RALGAPA2: variants seen among roughly 807,000 people sequenced by gnomAD.
RALGAPA2 encodes ral GTPase-activating protein subunit alpha-2.
Under a neutral mutation model 230.4 loss-of-function variants are expected in RALGAPA2, and 139 were observed. The observed-to-expected ratio is 0.60, with a 90% CI of 0.53 to 0.69. The LOEUF is 0.69. Ranked by LOEUF, RALGAPA2 falls within the 30% of genes least tolerant of loss-of-function variation. The pLI, the probability that RALGAPA2 is intolerant of heterozygous loss-of-function variation, is 0.00. For synonymous variants in RALGAPA2, 847 were observed against 837.8 expected (o/e 1.01, Z -0.19); for missense variants, 2,163 against 2,276.0 (o/e 0.95, Z 1.01).
chr20:20,458,782 A>ATATAGGTCTATATATATATAGGTCTAT (rs1556043904), intron 37 of RALGAPA2, among the ~76,000 whole-genome samples: 20 of 145,970 alleles, frequency 1.4e-4, no homozygotes, highest in African/African-American at 5.0e-4. Context: ...ACCTATATAT[A>ATATAGGTCTATATATATATAGGTCTAT]TATAGACCTA....
chr20:20,617,850 T>C (rs1469769347), intron 12 of RALGAPA2, among the ~76,000 whole-genome samples: 1 of 152,154 alleles, frequency 6.6e-6, no homozygotes, highest in Non-Finnish European at 1.5e-5. Flanking sequence ...ACTAAGGTAT[T>C]AGATATAAGA....
intron 10 of RALGAPA2, among the ~76,000 whole-genome samples, chr20:20,621,449 G>A (rs1022238749): frequency 1.3e-5 from 2 of 151,442 alleles, no homozygotes; most frequent in African/African-American, 4.9e-5. Flanking sequence ...TTACAAATCA[G>A]GACTTTGTTT....
At chr20:20,402,249 T>C (rs2059858640) in intron 38 of RALGAPA2, among the ~76,000 whole-genome samples, 1 of 152,200 alleles carries the variant, frequency 6.6e-6, no homozygotes, top group Admixed American at 6.5e-5. Flanking sequence ...AAGTGTGCAG[T>C]AAACTGCAAA....
At chr20:20,659,733 A>C in intron 3 of RALGAPA2, 1 of 764,110 alleles carries the variant, frequency 1.3e-6, no homozygotes, top group Non-Finnish European at 2.1e-6. Flanking sequence ...ACACCTTGAA[A>C]GATGATGACA....
chr20:20,496,140 T>C (rs1321870252), intron 35 of RALGAPA2, among the ~76,000 whole-genome samples: 1 of 149,548 alleles, frequency 6.7e-6, no homozygotes, highest in East Asian at 1.9e-4. Context: ...CTTAGTAGTG[T>C]AGCCCACTTG....
At chr20:20,509,800 G>A (rs571205979) in intron 33 of RALGAPA2, among the ~76,000 whole-genome samples, 1 of 152,264 alleles carries the variant, frequency 6.6e-6, no homozygotes, top group Non-Finnish European at 1.5e-5. Flanking sequence ...TCTGAAGGAT[G>A]GAAACAATAC....
chr20:20,641,070 A>G (rs1304554488), intron 5 of RALGAPA2, among the ~76,000 whole-genome samples, 192 bp from the exon 6 acceptor site: 1 of 152,190 alleles, frequency 6.6e-6, no homozygotes, highest in Non-Finnish European at 1.5e-5. Flanking sequence ...TGGGTTCTGG[A>G]GCCAAAGTGC....
At chr20:20,414,806 G>A (rs2060134091) in intron 37 of RALGAPA2, among the ~76,000 whole-genome samples, 1 of 152,184 alleles carries the variant, frequency 6.6e-6, no homozygotes, top group African/African-American at 2.4e-5. Context: ...ACCCTGCCAT[G>A]CATGCCCCCG....
chr20:20,477,760 G>T (rs1372644695), intron 36 of RALGAPA2, among the ~76,000 whole-genome samples: 2 of 152,030 alleles, frequency 1.3e-5, no homozygotes, highest in East Asian at 3.9e-4. Context: ...TAATTTTTTT[G>T]TACTTTTAGT....
At chr20:20,663,500 C>T (rs984600469) in intron 3 of RALGAPA2, among the ~76,000 whole-genome samples, 3 of 152,224 alleles carry the variant, frequency 2.0e-5, no homozygotes, top group African/African-American at 4.8e-5. Flanking sequence ...GTCAAGAACG[C>T]TCACCTTTTC....
chr20:20,575,142 C>T (rs908934256), intron 20 of RALGAPA2, among the ~76,000 whole-genome samples: 1 of 152,138 alleles, frequency 6.6e-6, no homozygotes. Flanking sequence ...GAGCTTTTGT[C>T]TTCTCTATCT....
chr20:20,430,599 T>C (rs2060480781), intron 37 of RALGAPA2, among the ~76,000 whole-genome samples: 1 of 152,270 alleles, frequency 6.6e-6, no homozygotes, highest in African/African-American at 2.4e-5. Context: ...TACTGGTGAT[T>C]TACTTTGTAG....
chr20:20,486,741 G>A (rs2061922567), intron 36 of RALGAPA2, among the ~76,000 whole-genome samples: 1 of 152,140 alleles, frequency 6.6e-6, no homozygotes, highest in Admixed American at 6.5e-5. Context: ...CACAGGTCTT[G>A]GAAGTTCTGT....
rs147152622 is a variant in RALGAPA2, at chr20:20,404,028, C to T, written c.5618-7294G>A. Among the ~76,000 whole-genome samples the T allele has an allele frequency of 7.6e-4, 116 of 152,260 alleles. 1 individual carries two copies. The highest frequency in any genetic ancestry group is 2.7e-3 in the African/African-American group (114 of 41,540). ...GCGGGAAAGGCAAGAGGAGCCTCTG[C>T]GTGGGGGCACAGGTAGGTGGAACGT... On this transcript the variant is annotated intron_variant, in intron 38 of 39. Coordinates refer to ENST00000202677, the MANE Select transcript of RALGAPA2 (RefSeq NM_020343.4).
At chr20:20,618,391 TTTAAG>T (rs1249273355) in intron 12 of RALGAPA2, among the ~76,000 whole-genome samples, 1 of 152,196 alleles carries the variant, frequency 6.6e-6, no homozygotes, top group Non-Finnish European at 1.5e-5. Context: ...TCTCAACTTT[TTTAAG>T]TTAACTTCAA....
At chr20:20,487,555 G>C (rs1165415389) in intron 36 of RALGAPA2, among the ~76,000 whole-genome samples, 1 of 152,160 alleles carries the variant, frequency 6.6e-6, no homozygotes, top group Non-Finnish European at 1.5e-5. Flanking sequence ...TGAGGTAGGA[G>C]ACTAGAAGGC....
intron 16 of RALGAPA2, among the ~76,000 whole-genome samples, chr20:20,595,913 C>T (rs1243879828): frequency 1.3e-5 from 2 of 151,862 alleles, no homozygotes; most frequent in Admixed American, 1.3e-4. Flanking sequence ...AAGATCGCAC[C>T]AGTGCACTCC....
intron 37 of RALGAPA2, among the ~76,000 whole-genome samples, chr20:20,439,604 C>T (rs547882325): frequency 6.9e-4 from 105 of 152,224 alleles, no homozygotes; most frequent in Non-Finnish European, 1.4e-3. Flanking sequence ...TGATAGATAC[C>T]GATCCTGGGG....
intron 5 of RALGAPA2, among the ~76,000 whole-genome samples, chr20:20,642,500 T>A (rs1021263990): frequency 1.3e-5 from 2 of 152,180 alleles, no homozygotes; most frequent in African/African-American, 2.4e-5. Context: ...CATGAGCCAC[T>A]GTGCCTGGCC....
Sources: gnomAD v4.1 joint callset for allele counts (sites outside exome capture counted in the v4.1 genomes callset) on GRCh38, gnomAD v4.1.1 for gene constraint, MANE v1.5 for transcripts, NCBI Gene and HGNC (gene_info 2026-07-23, HGNC 2026-07-21) for gene names.